The following KCNQ1 variants were observed in gnomAD, a reference collection of about 807,000 sequenced individuals.
The protein encoded by KCNQ1 is potassium voltage-gated channel subfamily KQT member 1.
Under a neutral mutation model 72.4 loss-of-function variants are expected in KCNQ1, and 49 were observed. The observed-to-expected ratio is 0.68, with a 90% CI of 0.54 to 0.86. The LOEUF (loss-of-function observed/expected upper bound fraction) is 0.86, where lower values mean the gene tolerates loss of function less well. Ranked by LOEUF, KCNQ1 falls within the 40% of genes least tolerant of loss-of-function variation. KCNQ1 has a pLI of 0.00. For synonymous variants in KCNQ1, 450 were observed against 412.6 expected, an observed-to-expected ratio of 1.09 and a Z score of -1.10; for missense variants, 790 against 945.1, an observed-to-expected ratio of 0.84 and a Z score of 2.15.
chr11:2,742,610 C>T (rs1003101236), intron 11 of KCNQ1, among the ~76,000 whole-genome samples: 1 of 152,240 alleles, frequency 6.6e-6, no homozygotes, highest in Non-Finnish European at 1.5e-5. Context: ...GGAATGTTTA[C>T]CGATTTGGTT....
In KCNQ1 at chr11:2,676,875, T is replaced by A; in HGVS notation, c.1514+14794T>A. 5.0e-6 allele frequency: 2 copies of A among 398,628 alleles called. No homozygotes were observed. The highest frequency in any genetic ancestry group is 4.4e-6 in the Non-Finnish European group (1 of 226,062). The allele number at this position is 398,628 out of a possible 1,614,324, so 24.7% of individuals were successfully genotyped here. ...AGCTTTGACTGGGGAGCCCTTTCAT[T>A]TCTTAGTAAGTGTTCAGCCCCAGTG... On this transcript the variant is annotated intron_variant, in intron 11 of 15. Transcript: ENST00000155840. This position sits in a 1 kb window ranked among gnomAD's most constrained non-coding sequence, Gnocchi z 4.2.
chr11:2,475,429 A>G lies in KCNQ1; in HGVS notation c.386+29945A>G, dbSNP rs1208636598. Among the ~76,000 whole-genome samples, 3 of 152,202 alleles carry G rather than the reference A, an allele frequency of 2.0e-5. No homozygotes were observed. Among genetic ancestry groups the G allele is most frequent in the Non-Finnish European group, 2.9e-5 (2 of 68,042 alleles). On this transcript the variant is annotated intron_variant, in intron 1 of 15. Coordinates refer to ENST00000155840, the MANE Select transcript of KCNQ1 (RefSeq NM_000218.3). The surrounding 1 kb of genome is among the most constrained non-coding windows in gnomAD (Gnocchi z 5.8). ...CCTTCCTGAAAGCCTGATACTTAGA[A>G]TGGATTTAAAAACAAATTCAAATGT...
At chr11:2,474,700 G>GCTCCCAGAGAGGCCCA (rs1554883848) in intron 1 of KCNQ1, among the ~76,000 whole-genome samples, 20 of 150,640 alleles carry the variant, frequency 1.3e-4, no homozygotes, top group African/African-American at 3.7e-4. Context: ...TTGGGCCCCT[G>GCTCCCAGAGAGGCCCA]CTCCCAGAGA....
chr11:2,827,705 T>C lies in KCNQ1; in HGVS notation c.1795-20062T>C, dbSNP rs1847867822. Among the ~76,000 whole-genome samples, 2 of 151,706 alleles carry C rather than the reference T, an allele frequency of 1.3e-5. No individual in the cohort carries two copies. The highest frequency in any genetic ancestry group is 4.8e-5 in the African/African-American group (2 of 41,238). ...GTTTTGCCAGAGGGAAAATTCCACATGTGGCTTGGAGGCCAGACCAGAAGG... is the reference window on the plus strand; with the variant it reads ...GTTTTGCCAGAGGGAAAATTCCACACGTGGCTTGGAGGCCAGACCAGAAGG... On this transcript the variant is annotated intron_variant, in intron 15 of 15. Coordinates refer to ENST00000155840, the MANE Select transcript of KCNQ1 (RefSeq NM_000218.3). This position sits in a 1 kb window ranked among gnomAD's most constrained non-coding sequence, Gnocchi z 6.7.
At position 2,642,995 on chromosome 11, in the gene KCNQ1, T is replaced by C. The variant is rs1349448228; in HGVS notation, c.1394-18966T>C. ...ATGCTCCTCTTATTTATTTATAGTT[T>C]TATGCTATTGTGGTCTGAGAAGATA... is the stretch of plus-strand genomic sequence containing the variant. On this transcript the variant is annotated intron_variant, in intron 10 of 15. Transcript: ENST00000155840. The surrounding 1 kb of genome is among the most constrained non-coding windows in gnomAD (Gnocchi z 4.3). 1 of 397,878 alleles carries C rather than the reference T, an allele frequency of 2.5e-6. No homozygotes were observed. Among genetic ancestry groups the C allele is most frequent in the Non-Finnish European group, 4.4e-6 (1 of 225,710 alleles). 24.6% of individuals were successfully genotyped at this position (397,878 alleles called of 1,614,324 possible). A position where few individuals can be genotyped will look rare whatever the true frequency, so the allele number is the denominator to read the frequency against.
At chr11:2,839,771 C>A (rs1171913014) in intron 15 of KCNQ1, 1 of 152,192 alleles carries the variant, frequency 6.6e-6, no homozygotes, top group African/African-American at 2.4e-5. Context: ...ACCTCTCCGA[C>A]CAGGGAGACA....
rs953317407 is a variant in KCNQ1, at chr11:2,508,011, G to T, written c.387-19917G>T. On this transcript the variant is annotated intron_variant, in intron 1 of 15. Coordinates refer to ENST00000155840, the MANE Select transcript of KCNQ1 (RefSeq NM_000218.3). This position sits in a 1 kb window ranked among gnomAD's most constrained non-coding sequence, Gnocchi z 6.2. ...GTATGTGGGAGTCTGGGTCCTGGTG[G>T]GTCCCAGCCCCGTACATGGAGGCTG... Among the ~76,000 whole-genome samples the T allele has an allele frequency of 6.6e-6, 1 of 151,988 alleles. No homozygotes were observed. Among genetic ancestry groups the T allele is most frequent in the African/African-American group, 2.4e-5 (1 of 41,378 alleles).
Position 2,620,217 on chromosome 11 carries a change from T to TTTTA in KCNQ1, c.1393+31366_1393+31367insATTT. ...CATTCATGTATATATATATATTTTT[T>TTTTA]TTTTTTATTTTTTTTTTAGACGGAG... On this transcript the variant is annotated intron_variant, in intron 10 of 15. Transcript: ENST00000155840. The surrounding 1 kb of genome is among the most constrained non-coding windows in gnomAD (Gnocchi z 4.5). 1 of 261,272 alleles carries TTTTA rather than the reference T, an allele frequency of 3.8e-6. No homozygotes were observed. Among genetic ancestry groups the TTTTA allele is most frequent in the African/African-American group, 2.4e-5 (1 of 40,912 alleles). 16.2% of individuals were successfully genotyped at this position (261,272 alleles called of 1,614,324 possible). A position where few individuals can be genotyped will look rare whatever the true frequency, so the allele number is the denominator to read the frequency against.
At chr11:2,825,775 A>G (rs1847825474) in intron 15 of KCNQ1, among the ~76,000 whole-genome samples, 1 of 152,180 alleles carries the variant, frequency 6.6e-6, no homozygotes, top group Admixed American at 6.5e-5. Flanking sequence ...GTCTCCGGGT[A>G]CTTTGCTCAG....
rs1222233721 is a variant in KCNQ1 at position 2,659,802 on chromosome 11, C to A, written c.1394-2159C>A. On this transcript the variant is annotated intron_variant, in intron 10 of 15. Coordinates refer to ENST00000155840, the MANE Select transcript of KCNQ1 (RefSeq NM_000218.3). The surrounding 1 kb of genome is among the most constrained non-coding windows in gnomAD (Gnocchi z 4.3). Reference sequence around the variant, plus strand: ...ATTTTTTTTTTAATTTATGGAATTTCATTGTGATTCTAATTTGCATTTCCA... The same window carrying A: ...ATTTTTTTTTTAATTTATGGAATTTAATTGTGATTCTAATTTGCATTTCCA... 1 of 398,102 alleles carries A rather than the reference C, an allele frequency of 2.5e-6. No individual in the cohort carries two copies. The highest frequency in any genetic ancestry group is 4.4e-6 in the Non-Finnish European group (1 of 225,962). The allele number at this position is 398,102 out of a possible 1,614,324, so 24.7% of individuals were successfully genotyped here.
At chr11:2,607,669 A>G (rs557791288) in intron 10 of KCNQ1, among the ~76,000 whole-genome samples, 4 of 152,346 alleles carry the variant, frequency 2.6e-5, no homozygotes, top group East Asian at 1.9e-4. Flanking sequence ...ATAAGCCACC[A>G]GTTCGTGATA....
In KCNQ1 at chr11:2,593,298, G is replaced by A. The variant is rs988736355; in HGVS notation, c.1393+4444G>A. ...CCCAAATTCACTGGTCCTGGAGGCCGCCTCAGAGGCCTTTTGCTGCTCAGA... is the reference window on the plus strand; with the variant it reads ...CCCAAATTCACTGGTCCTGGAGGCCACCTCAGAGGCCTTTTGCTGCTCAGA... On this transcript the variant is annotated intron_variant, in intron 10 of 15. Coordinates refer to ENST00000155840, the MANE Select transcript of KCNQ1 (RefSeq NM_000218.3). This position sits in a 1 kb window ranked among gnomAD's most constrained non-coding sequence, Gnocchi z 6.9. Among the ~76,000 whole-genome samples the A allele has an allele frequency of 9.2e-5, 14 of 152,236 alleles. No individual in the cohort carries two copies. The highest frequency in any genetic ancestry group is 6.2e-4 in the South Asian group (3 of 4,816).
chr11:2,848,773 G>C lies in KCNQ1; in HGVS notation c.*770G>C, dbSNP rs376794105. On this transcript the variant is annotated 3_prime_UTR_variant, in exon 16 of 16. Transcript: ENST00000155840. ...TCCAACCCCTCGCCCAGTCCCAGCA[G>C]CCAGCCAAACACACAGAAGGGGACT... The C allele has an allele frequency of 4.4e-6, 2 of 454,138 alleles. No individual in the cohort carries two copies. 28.1% of individuals were successfully genotyped at this position (454,138 alleles called of 1,614,324 possible). A position where few individuals can be genotyped will look rare whatever the true frequency, so the allele number is the denominator to read the frequency against.
At position 2,663,646 on chromosome 11, in the gene KCNQ1, G is replaced by T; in HGVS notation, c.1514+1565G>T. 2.5e-6 allele frequency: 1 copy of T among 398,680 alleles called. No homozygotes were observed. Among genetic ancestry groups the T allele is most frequent in the South Asian group, 1.3e-4 (1 of 7,834 alleles). 24.7% of individuals were successfully genotyped at this position (398,680 alleles called of 1,614,324 possible). ...ATCCAGACATGCAAAAAGTCCTACT[G>T]GGAGGAGAGGGCCATCACCCACAGT... On this transcript the variant is annotated intron_variant, in intron 11 of 15. Coordinates refer to ENST00000155840, the MANE Select transcript of KCNQ1 (RefSeq NM_000218.3). The surrounding 1 kb of genome is among the most constrained non-coding windows in gnomAD (Gnocchi z 5.2).
intron 11 of KCNQ1, among the ~76,000 whole-genome samples, chr11:2,756,981 A>AAAAACC (rs58902386): frequency 8.7e-6 from 1 of 115,178 alleles, no homozygotes; most frequent in African/African-American, 3.2e-5. Context: ...AAAAAAAAAA[A>AAAAACC]CCCACAGCTA....
At position 2,760,714 on chromosome 11, in the gene KCNQ1, C is replaced by T. The variant is rs566658160; in HGVS notation, c.1515-8130C>T. On this transcript the variant is annotated intron_variant, in intron 11 of 15. Coordinates refer to ENST00000155840, the MANE Select transcript of KCNQ1 (RefSeq NM_000218.3). ...GCCCAGTGAGCCCAAGGCCTCCGTC[C>T]TGCCCCCTGTCTCTTACCAGCTCGC... Among the ~76,000 whole-genome samples the T allele has an allele frequency of 2.0e-5, 3 of 152,356 alleles. No individual in the cohort carries two copies. In the South Asian group the frequency reaches 6.2e-4, roughly 32 times the overall value.
In KCNQ1 at chr11:2,640,598, T is replaced by C. The variant is rs532588222; in HGVS notation, c.1394-21363T>C. ...TTTTTTGACCGATACATAATACTTATGGGGTACATGTGCTATTGTTACATG... is the reference window on the plus strand; with the variant it reads ...TTTTTTGACCGATACATAATACTTACGGGGTACATGTGCTATTGTTACATG... On this transcript the variant is annotated intron_variant, in intron 10 of 15. Transcript: ENST00000155840. The C allele has an allele frequency of 4.8e-5, 19 of 396,502 alleles. No individual in the cohort carries two copies. In the South Asian group the frequency reaches 1.5e-3, roughly 32 times the overall value. 24.6% of individuals were successfully genotyped at this position (396,502 alleles called of 1,614,324 possible).
intron 11 of KCNQ1, among the ~76,000 whole-genome samples, chr11:2,747,618 G>A (rs1370372755): frequency 6.6e-6 from 1 of 152,240 alleles, no homozygotes; most frequent in African/African-American, 2.4e-5. Context: ...AAGGCCATAA[G>A]TTCACTGTTG....
rs1441340063 is a variant in KCNQ1, at chr11:2,468,216, G to T, written c.386+22732G>T. On this transcript the variant is annotated intron_variant, in intron 1 of 15. Transcript: ENST00000155840. This position sits in a 1 kb window ranked among gnomAD's most constrained non-coding sequence, Gnocchi z 5.7. The stretch of plus-strand genomic sequence containing the variant: ...GCTAAGAGTGCAGTGGTGTGATCTT[G>T]GTTCACTGCAGCCTCGACCTCCCTG... 6.6e-6 allele frequency among the ~76,000 whole-genome samples: 1 copy of T among 152,132 alleles called. No individual in the cohort carries two copies.
Sources: gnomAD v4.1 joint callset for allele counts (sites outside exome capture counted in the v4.1 genomes callset) on GRCh38, gnomAD v4.1.1 for gene constraint, Gnocchi (gnomAD v3.1) non-coding constraint, MANE v1.5 for transcripts, NCBI Gene and HGNC (gene_info 2026-07-23, HGNC 2026-07-21) for gene names.